Variants in PAN3 observed in about 807,000 individuals in gnomAD.
PAN3 encodes poly(A) specific ribonuclease subunit PAN3.
PAN3 carries 19 observed loss-of-function variants against 96.2 expected under a neutral mutation model. The observed-to-expected ratio is 0.20, with a 90% CI of 0.14 to 0.29. PAN3 has a LOEUF of 0.29. Ranked by LOEUF, PAN3 falls within the 10% of genes least tolerant of loss-of-function variation. PAN3 has a pLI of 1.00. For missense variants in PAN3, 882 were observed against 1,108.1 expected, an observed-to-expected ratio of 0.80 and a Z score of 2.90; for synonymous variants, 433 against 406.6, an observed-to-expected ratio of 1.06 and a Z score of -0.78.
chr13:28,257,133 C>T (rs926394050), intron 7 of PAN3, among the ~76,000 whole-genome samples: 11 of 152,000 alleles, frequency 7.2e-5, no homozygotes, highest in South Asian at 6.2e-4. Context: ...AGGGAAGAAT[C>T]GTGAAACAAA....
chr13:28,142,405 C>A (rs1212606887), intron 1 of PAN3, among the ~76,000 whole-genome samples: 1 of 151,980 alleles, frequency 6.6e-6, no homozygotes, highest in Non-Finnish European at 1.5e-5. Context: ...TGGGCTCTAG[C>A]AATCTCCTGC....
At chr13:28,289,791 A>G (rs1259499619) in intron 18 of PAN3, among the ~76,000 whole-genome samples, 3 of 152,162 alleles carry the variant, frequency 2.0e-5, no homozygotes, top group African/African-American at 7.2e-5. Context: ...CTGAGACAGG[A>G]GAATGGCGTG....
chr13:28,250,101 T>A (rs1295913904), intron 6 of PAN3, among the ~76,000 whole-genome samples: 1 of 152,152 alleles, frequency 6.6e-6, no homozygotes, highest in Non-Finnish European at 1.5e-5. Context: ...TTTTGTTAGA[T>A]CATTTGTCTC....
chr13:28,242,949 G>A (rs377738457), intron 6 of PAN3, among the ~76,000 whole-genome samples: 1 of 152,038 alleles, frequency 6.6e-6, no homozygotes, highest in African/African-American at 2.4e-5. Context: ...ATCATAATTG[G>A]TGTCTTTAAA....
chr13:28,280,969 G>C (rs552568670), intron 16 of PAN3, among the ~76,000 whole-genome samples: 119 of 152,172 alleles, frequency 7.8e-4, no homozygotes, highest in Non-Finnish European at 1.3e-3. Context: ...TAAGATTTCA[G>C]ATATTTTTGT....
At chr13:28,161,525 A>G (rs1872879922) in intron 1 of PAN3, among the ~76,000 whole-genome samples, 1 of 152,146 alleles carries the variant, frequency 6.6e-6, no homozygotes, top group Non-Finnish European at 1.5e-5. Context: ...CAGTGACTCT[A>G]TATTCAAATG....
chr13:28,236,168 T>G (rs1883087769), intron 6 of PAN3, among the ~76,000 whole-genome samples: 1 of 152,218 alleles, frequency 6.6e-6, no homozygotes, highest in Non-Finnish European at 1.5e-5. Flanking sequence ...TTTAATGAGC[T>G]TTATGGTAGA....
chr13:28,146,478 C>CTCTGA (rs1047184592), intron 1 of PAN3, among the ~76,000 whole-genome samples: 11 of 151,992 alleles, frequency 7.2e-5, no homozygotes, highest in African/African-American at 2.7e-4. Flanking sequence ...TTGGAAGTCC[C>CTCTGA]AGATGAGGAG....
intron 4 of PAN3, among the ~76,000 whole-genome samples, chr13:28,193,648 T>C (rs1358283719): frequency 2.1e-5 from 3 of 140,186 alleles, no homozygotes; most frequent in South Asian, 2.3e-4. Context: ...GAGGCTGAGG[T>C]GGGAGGATCT....
chr13:28,193,470 C>T (rs1877541589), intron 4 of PAN3, among the ~76,000 whole-genome samples: 2 of 151,968 alleles, frequency 1.3e-5, no homozygotes, highest in African/African-American at 2.4e-5. Flanking sequence ...GGGACGGGCA[C>T]GTGGTTCACG....
chr13:28,194,152 AAAAAAT>A (rs1877674522), intron 4 of PAN3, among the ~76,000 whole-genome samples: 2 of 151,254 alleles, frequency 1.3e-5, no homozygotes, highest in African/African-American at 4.8e-5. Flanking sequence ...GTCTCAAAAA[AAAAAAT>A]AAAAAGAGAC....
Position 28,144,879 on chromosome 13 carries a change from C to T in PAN3, c.430+5792C>T, listed in dbSNP as rs116986616. The stretch of plus-strand genomic sequence containing the variant: ...GGATTACAGGAGCCTGCCACCGCGA[C>T]TGGCTAATTCTCGTATTTTTAGTAG... On this transcript the variant is annotated intron_variant, in intron 1 of 18. Coordinates refer to ENST00000380958, the MANE Select transcript of PAN3 (RefSeq NM_175854.8). 7.2e-5 allele frequency among the ~76,000 whole-genome samples: 11 copies of T among 151,972 alleles called. No individual in the cohort carries two copies. The East Asian group carries it at 2.2e-3, about 30-fold the overall frequency.
intron 5 of PAN3, among the ~76,000 whole-genome samples, chr13:28,202,761 C>A (rs1215793488): frequency 6.6e-6 from 1 of 151,686 alleles, no homozygotes; most frequent in Non-Finnish European, 1.5e-5. Flanking sequence ...AATTTGTTTG[C>A]CTGTTTGTCT....
At chr13:28,291,074 A>G (rs1031371160) in intron 18 of PAN3, among the ~76,000 whole-genome samples, 4 of 152,218 alleles carry the variant, frequency 2.6e-5, no homozygotes, top group Non-Finnish European at 4.4e-5. Flanking sequence ...AAGTGTGACA[A>G]TATTCTAAGT....
intron 14 of PAN3, 34 bp from the exon 15 acceptor site, chr13:28,277,203 A>G (rs915372265): frequency 2.5e-6 from 4 of 1,576,304 alleles, no homozygotes; most frequent in African/African-American, 1.4e-5. Flanking sequence ...CTGTGAAATG[A>G]AAATTAAAAG....
intron 1 of PAN3, among the ~76,000 whole-genome samples, chr13:28,167,042 A>G (rs1441938975): frequency 1.4e-5 from 2 of 145,176 alleles, no homozygotes; most frequent in African/African-American, 2.6e-5. Flanking sequence ...CCTTTTATCT[A>G]TATGAATCTC....
chr13:28,203,626 A>G (rs576916929), intron 5 of PAN3, among the ~76,000 whole-genome samples: 2 of 151,948 alleles, frequency 1.3e-5, no homozygotes, highest in Admixed American at 1.3e-4. Context: ...TCTGTATTTA[A>G]AAAAATTAAT....
rs1239343058 is a variant in PAN3, at chr13:28,293,095, G to T, written c.*573G>T. On this transcript the variant is annotated 3_prime_UTR_variant, in exon 19 of 19. Transcript: ENST00000380958. The stretch of plus-strand genomic sequence containing the variant: ...ACTGTTAGTTCAAATTGAGATTTTT[G>T]TTTTGTTTTGTTCTTAAGAACATAC... The T allele has an allele frequency of 1.3e-5, 2 of 152,090 alleles. No homozygotes were observed. 9.4% of individuals were successfully genotyped at this position (152,090 alleles called of 1,614,324 possible). A position where few individuals can be genotyped will look rare whatever the true frequency, so the allele number is the denominator to read the frequency against.
intron 6 of PAN3, chr13:28,239,659 A>T: frequency 7.0e-6 from 9 of 1,289,636 alleles, no homozygotes; most frequent in Non-Finnish European, 9.1e-6. Context: ...CGACTAAAGG[A>T]TGGATAGTTT....
Sources: allele counts gnomAD v4.1 joint callset (sites outside exome capture counted in the v4.1 genomes callset), GRCh38; gene constraint gnomAD v4.1.1; transcripts MANE v1.5; gene names NCBI Gene and HGNC (gene_info 2026-07-23, HGNC 2026-07-21).